Variants in BICC1 observed in about 807,000 individuals in gnomAD.
BICC1 encodes the protein protein bicaudal C homolog 1.
Under a neutral mutation model 111.0 loss-of-function variants are expected in BICC1, and 43 were observed. The ratio of observed to expected loss-of-function variants is 0.39; its 90% CI spans 0.30 to 0.50. The LOEUF (loss-of-function observed/expected upper bound fraction) is 0.50. BICC1 is among the 20% of genes least tolerant of loss of function. The pLI is 0.88. For missense variants in BICC1, 1,091 were observed against 1,203.2 expected, an observed-to-expected ratio of 0.91 and a Z score of 1.38; for synonymous variants, 467 against 434.4, an observed-to-expected ratio of 1.07 and a Z score of -0.93.
At chr10:58,757,648 A>G (rs185404583) in intron 3 of BICC1, among the ~76,000 whole-genome samples, 37 of 152,254 alleles carry the variant, frequency 2.4e-4, no homozygotes, top group Admixed American at 3.9e-4. Flanking sequence ...CTGTACACCT[A>G]TGTAATTTCA....
chr10:58,534,991 C>T (rs1481439299), intron 1 of BICC1, among the ~76,000 whole-genome samples: 1 of 151,290 alleles, frequency 6.6e-6, no homozygotes, highest in African/African-American at 2.4e-5. Context: ...GTAGAAGAAA[C>T]AATTTCAGAG....
chr10:58,632,861 G>GGATAGATAGATAGATA (rs80252372), intron 2 of BICC1, among the ~76,000 whole-genome samples: 1 of 150,702 alleles, frequency 6.6e-6, no homozygotes. Flanking sequence ...ATAGATAGAT[G>GGATAGATAGATAGATA]GATAGATAGA....
chr10:58,718,764 G>GCGCA (rs1840832010), intron 3 of BICC1, among the ~76,000 whole-genome samples: 1 of 149,564 alleles, frequency 6.7e-6, no homozygotes, highest in African/African-American at 2.5e-5. Context: ...GTGTGTGTGT[G>GCGCA]TGCGCGCGCG....
rs1341140809 is a variant in BICC1, at chr10:58,630,316, C to T, written c.237+9415C>T. On this transcript the variant is annotated intron_variant, in intron 2 of 20. Transcript: ENST00000373886. Reference sequence around the variant, plus strand: ...TGAATAAGTGGTGAAGACCCATCCACGGAGGGAAGCATGAAGCAGAAGACA... The same window carrying T: ...TGAATAAGTGGTGAAGACCCATCCATGGAGGGAAGCATGAAGCAGAAGACA... Among the ~76,000 whole-genome samples the T allele has an allele frequency of 2.8e-4, 43 of 152,032 alleles. 1 individual carries two copies. Among genetic ancestry groups the T allele is most frequent in the Non-Finnish European group, 1.0e-4 (7 of 68,010 alleles).
chr10:58,727,261 T>C (rs962975940), intron 3 of BICC1, among the ~76,000 whole-genome samples: 46 of 152,162 alleles, frequency 3.0e-4, no homozygotes, highest in African/African-American at 9.2e-4. Flanking sequence ...TGCATATGTA[T>C]CCAAAGTCTG....
intron 2 of BICC1, among the ~76,000 whole-genome samples, chr10:58,641,821 G>C (rs917947666): frequency 3.3e-5 from 5 of 152,124 alleles, no homozygotes; most frequent in Non-Finnish European, 7.4e-5. Context: ...TAAGTATACA[G>C]TCTAGTGGTG....
At chr10:58,739,903 G>A (rs747134712) in intron 3 of BICC1, among the ~76,000 whole-genome samples, 8 of 152,112 alleles carry the variant, frequency 5.3e-5, no homozygotes, top group Admixed American at 1.3e-4. Context: ...TTTGACAGTT[G>A]GAACAAGTCT....
chr10:58,615,113 AC>A (rs1845557624), intron 1 of BICC1, among the ~76,000 whole-genome samples: 1 of 151,308 alleles, frequency 6.6e-6, no homozygotes. Context: ...TTGAGCACTG[AC>A]CTTTTATCTT....
chr10:58,815,375 G>C (rs183403938), intron 18 of BICC1, among the ~76,000 whole-genome samples: 126 of 152,268 alleles, frequency 8.3e-4, no homozygotes, highest in African/African-American at 3.0e-3. Context: ...TTACTGGCTG[G>C]ACGCTCCACC....
intron 2 of BICC1, among the ~76,000 whole-genome samples, chr10:58,655,146 A>G (rs10740747): frequency 0.99 from 136,710 of 138,786 alleles, 67,376 homozygotes; most frequent in East Asian, 1. Flanking sequence ...TTTTGGCTTA[A>G]GATTGCCTTG....
At chr10:58,562,937 T>C (rs1245807059) in intron 1 of BICC1, among the ~76,000 whole-genome samples, 1 of 152,114 alleles carries the variant, frequency 6.6e-6, no homozygotes, top group Non-Finnish European at 1.5e-5. Flanking sequence ...GCTTTTTTGG[T>C]GTGGGGCCTG....
At chr10:58,754,789 A>G (rs752099786) in intron 3 of BICC1, among the ~76,000 whole-genome samples, 3 of 137,070 alleles carry the variant, frequency 2.2e-5, no homozygotes, top group Non-Finnish European at 4.8e-5. Context: ...TGTGTGTAAA[A>G]CACTCTTCTT....
intron 17 of BICC1, among the ~76,000 whole-genome samples, chr10:58,808,157 T>G (rs9415584): frequency 0.74 from 112,484 of 151,136 alleles, 41,958 homozygotes; most frequent in Admixed American, 0.76. Flanking sequence ...GAATTTCATT[T>G]TGGGAGTTAT....
At chr10:58,529,429 G>A (rs886751969) in intron 1 of BICC1, among the ~76,000 whole-genome samples, 10 of 151,832 alleles carry the variant, frequency 6.6e-5, no homozygotes, top group Non-Finnish European at 1.3e-4. Context: ...CTTATTCTGC[G>A]CAGAAGACCA....
At chr10:58,685,082 T>C (rs1407040997) in intron 2 of BICC1, among the ~76,000 whole-genome samples, 3 of 152,238 alleles carry the variant, frequency 2.0e-5, no homozygotes, top group Non-Finnish European at 4.4e-5. Context: ...TTTGTTCTCA[T>C]TGGTTTCAAA....
chr10:58,732,602 G>A (rs1841351727), intron 3 of BICC1, among the ~76,000 whole-genome samples: 1 of 151,142 alleles, frequency 6.6e-6, no homozygotes, highest in African/African-American at 2.4e-5. Context: ...GCAACATGGT[G>A]AAACCCTGTC....
At chr10:58,576,477 C>T (rs748108954) in intron 1 of BICC1, among the ~76,000 whole-genome samples, 1 of 152,180 alleles carries the variant, frequency 6.6e-6, no homozygotes, top group Non-Finnish European at 1.5e-5. Context: ...GGTTCATGTA[C>T]AAGCAAGGAT....
At chr10:58,756,409 C>T (rs549125630) in intron 3 of BICC1, among the ~76,000 whole-genome samples, 7 of 152,278 alleles carry the variant, frequency 4.6e-5, no homozygotes, top group Admixed American at 3.9e-4. Flanking sequence ...TGGCCTTTGC[C>T]TCCCAAAGGT....
At chr10:58,793,741 A>G (rs1404769749) in intron 9 of BICC1, 126 bp downstream of exon 9, 2 of 1,010,302 alleles carry the variant, frequency 2.0e-6, no homozygotes, top group Admixed American at 6.0e-5. Context: ...AATATCCCCA[A>G]TCCGGAATGC....
Sources: gnomAD v4.1 joint callset for allele counts (sites outside exome capture counted in the v4.1 genomes callset) on GRCh38, gnomAD v4.1.1 for gene constraint, MANE v1.5 for transcripts, NCBI Gene and HGNC (gene_info 2026-07-23, HGNC 2026-07-21) for gene names.